CACNG3: variants seen among roughly 807,000 people sequenced by gnomAD.
CACNG3 encodes voltage-dependent calcium channel gamma-3 subunit.
Under a neutral mutation model 28.5 loss-of-function variants are expected in CACNG3, and 3 were observed. The ratio of observed to expected loss-of-function variants is 0.11; its 90% CI spans 0.05 to 0.27. CACNG3 has a LOEUF of 0.27. Among genes scored for constraint, CACNG3 ranks in the 10% least tolerant of loss-of-function variants. The probability of loss-of-function intolerance (pLI) is 1.00; values close to 1 mark genes in which losing one functional copy is unlikely to be tolerated. For missense variants in CACNG3, 236 were observed against 414.4 expected, an observed-to-expected ratio of 0.57 and a Z score of 3.74; for synonymous variants, 174 against 162.2, an observed-to-expected ratio of 1.07 and a Z score of -0.55.
Position 24,354,922 on chromosome 16 carries a change from C to G in CACNG3, c.385C>G (p.Arg129Gly). 6.2e-7 allele frequency: 1 copy of G among 1,612,560 alleles called. No homozygotes were observed. Among genetic ancestry groups the G allele is most frequent in the Non-Finnish European group, 8.5e-7 (1 of 1,180,020 alleles). The change falls in exon 3 of 4, where the codon CGC becomes GGC. Residue 129 changes from arginine (R) to glycine (G), a missense_variant. Arg to Gly is a moderately radical substitution (Grantham distance 125, BLOSUM62 -2). Coordinates refer to ENST00000005284, the MANE Select transcript of CACNG3 (RefSeq NM_006539.4). ...GLCVAASEFH[R>G]SRHNVILSAG... ...CTGCGTGGCAGCCAGTGAGTTCCAC[C>G]GCAGCAGACACAACGTCATTCTCAG... is the stretch of plus-strand genomic sequence containing the variant.
At chr16:24,259,821 T>C (rs1024557717) in intron 1 of CACNG3, among the ~76,000 whole-genome samples, 2 of 152,192 alleles carry the variant, frequency 1.3e-5, no homozygotes, top group Non-Finnish European at 2.9e-5. Flanking sequence ...ACCAAAAATA[T>C]TCAAGAATAA....
intron 1 of CACNG3, among the ~76,000 whole-genome samples, chr16:24,332,442 G>A (rs12599973): frequency 0.24 from 35,280 of 146,282 alleles, 4,661 homozygotes; most frequent in Middle Eastern, 0.39. Context: ...TTCAGCCTGG[G>A]CAACAGAGCA....
At chr16:24,314,488 A>G (rs1361828555) in intron 1 of CACNG3, among the ~76,000 whole-genome samples, 1 of 152,154 alleles carries the variant, frequency 6.6e-6, no homozygotes, top group Non-Finnish European at 1.5e-5. Context: ...CCTTGATGTG[A>G]AAAAGGAAGG....
intron 1 of CACNG3, among the ~76,000 whole-genome samples, chr16:24,265,350 G>GAAA (rs1898587365): frequency 7.2e-6 from 1 of 138,710 alleles, no homozygotes; most frequent in African/African-American, 2.7e-5. Context: ...GAAAGAAAAA[G>GAAA]GAAAGAAAGA....
chr16:24,273,879 CT>C (rs1258917334), intron 1 of CACNG3, among the ~76,000 whole-genome samples: 1 of 152,122 alleles, frequency 6.6e-6, no homozygotes, highest in Non-Finnish European at 1.5e-5. Context: ...CAAAATTGGG[CT>C]TTTTAAACAC....
intron 1 of CACNG3, among the ~76,000 whole-genome samples, chr16:24,318,396 T>C (rs1899414935): frequency 6.6e-6 from 1 of 152,210 alleles, no homozygotes; most frequent in Admixed American, 6.5e-5. Flanking sequence ...TTCACCATGC[T>C]GGCCAGGCTG....
At chr16:24,273,849 T>C (rs1365212874) in intron 1 of CACNG3, among the ~76,000 whole-genome samples, 1 of 152,196 alleles carries the variant, frequency 6.6e-6, no homozygotes, top group African/African-American at 2.4e-5. Flanking sequence ...AAGGAGTTTT[T>C]TTAACAGATC....
At chr16:24,330,082 G>T (rs1899611082) in intron 1 of CACNG3, among the ~76,000 whole-genome samples, 1 of 152,160 alleles carries the variant, frequency 6.6e-6, no homozygotes, top group Non-Finnish European at 1.5e-5. Flanking sequence ...GGTAGTGTCT[G>T]GTAATGAGAC....
chr16:24,284,195 A>T (rs11865135), intron 1 of CACNG3, among the ~76,000 whole-genome samples: 1 of 151,916 alleles, frequency 6.6e-6, no homozygotes, highest in Non-Finnish European at 1.5e-5. Context: ...CTTGTCAATG[A>T]AATTTTCCTG....
chr16:24,286,070 C>T (rs1175073188), intron 1 of CACNG3, among the ~76,000 whole-genome samples: 1 of 152,034 alleles, frequency 6.6e-6, no homozygotes, highest in Non-Finnish European at 1.5e-5. Context: ...TCTTGAACTC[C>T]TGAGCTCAAG....
chr16:24,258,111 T>C (rs1898492634), intron 1 of CACNG3, among the ~76,000 whole-genome samples: 1 of 152,150 alleles, frequency 6.6e-6, no homozygotes, highest in African/African-American at 2.4e-5. Flanking sequence ...CTGCTTGCCA[T>C]TGGTTCTTCA....
chr16:24,304,739 AT>A (rs1449892414), intron 1 of CACNG3, among the ~76,000 whole-genome samples: 1 of 152,014 alleles, frequency 6.6e-6, no homozygotes, highest in East Asian at 1.9e-4. Context: ...TTTTGTATTC[AT>A]TTGTAGAGAC....
chr16:24,324,354 G>T (rs369392977), intron 1 of CACNG3, among the ~76,000 whole-genome samples: 9 of 152,184 alleles, frequency 5.9e-5, no homozygotes, highest in Admixed American at 2.0e-4. Context: ...TGCTAAATCT[G>T]CCTCTTGCCT....
chr16:24,304,287 TAG>T (rs779079797), intron 1 of CACNG3, among the ~76,000 whole-genome samples: 59 of 152,268 alleles, frequency 3.9e-4, no homozygotes, highest in Middle Eastern at 6.8e-3. Flanking sequence ...ATTTTAAGGA[TAG>T]AGTTTCCTTT....
Position 24,261,671 on chromosome 16 carries a change from G to A in CACNG3, c.211+4706G>A, listed in dbSNP as rs560156055. Among the ~76,000 whole-genome samples, 436 of 152,014 alleles carry A rather than the reference G, an allele frequency of 2.9e-3. 2 individuals are homozygous for A. The highest frequency in any genetic ancestry group is 4.6e-3 in the Non-Finnish European group (316 of 68,006). The stretch of plus-strand genomic sequence containing the variant: ...TTTTCAATTCATTAAAAAATACTTA[G>A]AAAAGAAAGCCCACTTATTTAGGAT... On this transcript the variant is annotated intron_variant, in intron 1 of 3. Transcript: ENST00000005284.
intron 1 of CACNG3, among the ~76,000 whole-genome samples, chr16:24,330,656 G>C (rs1899620251): frequency 6.6e-6 from 1 of 152,216 alleles, no homozygotes; most frequent in South Asian, 2.1e-4. Flanking sequence ...TGATTCTCAT[G>C]CAAGTGGACT....
intron 1 of CACNG3, among the ~76,000 whole-genome samples, chr16:24,294,975 T>C (rs970120473): frequency 8.5e-5 from 13 of 152,276 alleles, no homozygotes; most frequent in South Asian, 6.2e-4. Context: ...GCACTGCAGA[T>C]AGAGTGGTGT....
chr16:24,313,582 T>G (rs1173287599), intron 1 of CACNG3, among the ~76,000 whole-genome samples: 1 of 152,142 alleles, frequency 6.6e-6, no homozygotes, highest in Non-Finnish European at 1.5e-5. Context: ...CCTCCACAAG[T>G]GATTCTCCTG....
At chr16:24,303,486 G>C (rs1395807157) in intron 1 of CACNG3, among the ~76,000 whole-genome samples, 1 of 152,056 alleles carries the variant, frequency 6.6e-6, no homozygotes, top group Non-Finnish European at 1.5e-5. Context: ...TACTGAACCT[G>C]TCCTAAGGTT....
Sources: gnomAD v4.1 joint callset for allele counts (sites outside exome capture counted in the v4.1 genomes callset) on GRCh38, gnomAD v4.1.1 for gene constraint, MANE v1.5 for transcripts, NCBI Gene and HGNC (gene_info 2026-07-23, HGNC 2026-07-21) for gene names.